ATP1B1: variants seen among roughly 807,000 people sequenced by gnomAD.
The protein encoded by ATP1B1 is sodium/potassium-transporting ATPase subunit beta-1.
A neutral mutation model predicts 39.6 loss-of-function variants in ATP1B1; 3 were observed. The ratio of observed to expected loss-of-function variants is 0.08; its 90% CI spans 0.03 to 0.20. The LOEUF (loss-of-function observed/expected upper bound fraction) is 0.20, where lower values mean the gene tolerates loss of function less well. Ranked by LOEUF, ATP1B1 falls within the 10% of genes least tolerant of loss-of-function variation. ATP1B1 has a pLI of 1.00. For synonymous variants in ATP1B1, 139 were observed against 135.0 expected, an observed-to-expected ratio of 1.03 and a Z score of -0.20; for missense variants, 216 against 371.1, an observed-to-expected ratio of 0.58 and a Z score of 3.43.
chr1:169,127,834 C>T (rs1476865932), intron 4 of ATP1B1, among the ~76,000 whole-genome samples: 2 of 151,920 alleles, frequency 1.3e-5, no homozygotes, highest in Middle Eastern at 3.2e-3. Flanking sequence ...AACCCACTTG[C>T]ATGTATAGTC....
Position 169,124,874 on chromosome 1 carries a change from C to T in ATP1B1, c.227-10C>T, listed in dbSNP as rs1388677422. On this transcript the variant is annotated splice_polypyrimidine_tract_variant and intron_variant, in intron 2 of 5. Coordinates refer to ENST00000367815, the MANE Select transcript of ATP1B1 (RefSeq NM_001677.4). ...CTTCCTACTAATGTTTTTCTCTCTG[C>T]CTGGTCTAGGATTAACACAGATTCC... The T allele has an allele frequency of 1.9e-6, 3 of 1,610,218 alleles. No individual in the cohort carries two copies. Among genetic ancestry groups the T allele is most frequent in the Non-Finnish European group, 2.5e-6 (3 of 1,178,720 alleles).
At chr1:169,116,645 T>G (rs546933572) in intron 2 of ATP1B1, among the ~76,000 whole-genome samples, 3 of 151,940 alleles carry the variant, frequency 2.0e-5, no homozygotes, top group Non-Finnish European at 2.9e-5. Flanking sequence ...GAGGTCAGGA[T>G]TTTGAGACCA....
At chr1:169,125,953 CA>C (rs1658076440) in intron 3 of ATP1B1, among the ~76,000 whole-genome samples, 1 of 152,128 alleles carries the variant, frequency 6.6e-6, no homozygotes, top group Non-Finnish European at 1.5e-5. Flanking sequence ...CCAGCCTGGG[CA>C]CCAGTGTGAG....
intron 2 of ATP1B1, among the ~76,000 whole-genome samples, chr1:169,115,726 G>A (rs1165377986): frequency 6.6e-6 from 1 of 152,186 alleles, no homozygotes; most frequent in Non-Finnish European, 1.5e-5. Flanking sequence ...AGATATGACA[G>A]GGATGCTTTG....
chr1:169,112,994 T>A (rs1371401533), intron 2 of ATP1B1, among the ~76,000 whole-genome samples: 1 of 152,184 alleles, frequency 6.6e-6, no homozygotes, highest in Non-Finnish European at 1.5e-5. Flanking sequence ...TAATTTTAAT[T>A]GGTGCGGATA....
intron 5 of ATP1B1, among the ~76,000 whole-genome samples, chr1:169,130,298 A>G (rs906192959): frequency 9.9e-5 from 15 of 152,224 alleles, no homozygotes; most frequent in African/African-American, 3.6e-4. Context: ...AATAAGACTG[A>G]TGTCAGTTTC....
intron 1 of ATP1B1, chr1:169,110,567 C>CTTT (rs11423213): frequency 5.1e-4 from 221 of 434,522 alleles, no homozygotes; most frequent in South Asian, 7.5e-4. Flanking sequence ...TGTGTTGAGT[C>CTTT]TTTTTTTTTT....
intron 4 of ATP1B1, among the ~76,000 whole-genome samples, chr1:169,128,843 C>T (rs1658142747): frequency 6.6e-6 from 1 of 152,178 alleles, no homozygotes; most frequent in Non-Finnish European, 1.5e-5. Flanking sequence ...TTTAGAGTTA[C>T]TTGGTTCAGT....
At chr1:169,111,824 C>T (rs2101775100) in intron 2 of ATP1B1, among the ~76,000 whole-genome samples, 1 of 152,232 alleles carries the variant, frequency 6.6e-6, no homozygotes, top group South Asian at 2.1e-4. Context: ...TTTTCATATT[C>T]TAGGGTTTGG....
At chr1:169,106,979 G>A in intron 1 of ATP1B1, 53 bp downstream of exon 1, 1 of 1,504,820 alleles carries the variant, frequency 6.6e-7, no homozygotes, top group Non-Finnish European at 9.0e-7. Context: ...TTCCCGGGCG[G>A]CGCATCCCCT....
intron 2 of ATP1B1, among the ~76,000 whole-genome samples, chr1:169,122,876 C>G (rs763544568): frequency 6.6e-6 from 1 of 151,662 alleles, no homozygotes; most frequent in Non-Finnish European, 1.5e-5. Flanking sequence ...CAGGCATGAG[C>G]CACTGCACCT....
At chr1:169,110,199 T>C (rs1322963039) in intron 1 of ATP1B1, among the ~76,000 whole-genome samples, 1 of 152,132 alleles carries the variant, frequency 6.6e-6, no homozygotes, top group Non-Finnish European at 1.5e-5. Flanking sequence ...TTTAAATGTA[T>C]GGACAGGGCA....
At chr1:169,122,498 T>C (rs1313890093) in intron 2 of ATP1B1, among the ~76,000 whole-genome samples, 1 of 152,208 alleles carries the variant, frequency 6.6e-6, no homozygotes, top group Non-Finnish European at 1.5e-5. Flanking sequence ...TTTTGCACCA[T>C]AAATGATCAC....
chr1:169,131,272 C>A lies in ATP1B1; in HGVS notation c.649-20C>A, dbSNP rs751239403. ...TGCATGATGTGAGCCATTAAAATTT[C>A]ATTTCATTCTGGATTTCAGCGAGAT... is the stretch of plus-strand genomic sequence containing the variant. On this transcript the variant is annotated intron_variant, in intron 5 of 5. Coordinates refer to ENST00000367815, the MANE Select transcript of ATP1B1 (RefSeq NM_001677.4). This position sits in a 1 kb window ranked among gnomAD's most constrained non-coding sequence, Gnocchi z 4.4. The A allele has an allele frequency of 1.9e-6, 3 of 1,609,366 alleles. No homozygotes were observed. Among genetic ancestry groups the A allele is most frequent in the East Asian group, 2.2e-5 (1 of 44,840 alleles).
At chr1:169,126,393 T>C (rs551117739) in intron 3 of ATP1B1, among the ~76,000 whole-genome samples, 43 of 152,362 alleles carry the variant, frequency 2.8e-4, no homozygotes, top group Non-Finnish European at 4.4e-4. Context: ...CTTTGAATTC[T>C]ATATTCACTT....
At chr1:169,120,371 G>C (rs957018219) in intron 2 of ATP1B1, among the ~76,000 whole-genome samples, 1 of 152,176 alleles carries the variant, frequency 6.6e-6, no homozygotes, top group Non-Finnish European at 1.5e-5. Context: ...TAAGGCTTAT[G>C]TTAGTTACCA....
At chr1:169,112,658 G>A (rs61803310) in intron 2 of ATP1B1, among the ~76,000 whole-genome samples, 2 of 152,214 alleles carry the variant, frequency 1.3e-5, no homozygotes, top group Non-Finnish European at 2.9e-5. Context: ...TCAAAATACG[G>A]AGGTGGCAAG....
chr1:169,111,244 T>C (rs1657722571), intron 1 of ATP1B1, 126 bp from the exon 2 acceptor site: 4 of 1,339,430 alleles, frequency 3.0e-6, no homozygotes, highest in Non-Finnish European at 1.0e-6. Flanking sequence ...ACTCTTGACG[T>C]TGGACAAGGA....
intron 4 of ATP1B1, 136 bp downstream of exon 4, chr1:169,127,544 A>G: frequency 1.1e-6 from 1 of 880,966 alleles, no homozygotes; most frequent in Non-Finnish European, 1.7e-6. Context: ...GAGTAACACC[A>G]AAAACTTCTG....
Sources: allele counts gnomAD v4.1 joint callset (sites outside exome capture counted in the v4.1 genomes callset), GRCh38; gene constraint gnomAD v4.1.1; non-coding constraint Gnocchi (gnomAD v3.1); transcripts MANE v1.5; gene names NCBI Gene and HGNC (gene_info 2026-07-23, HGNC 2026-07-21).